Variants in CCDC57 observed in about 807,000 individuals in gnomAD.
CCDC57 encodes the protein coiled-coil domain-containing protein 57.
CCDC57 carries 118 observed loss-of-function variants against 118.9 expected under a neutral mutation model. The observed-to-expected ratio is 0.99, with a 90% CI of 0.86 to 1.16. CCDC57 has a LOEUF of 1.16. CCDC57 is among the 50% of genes most tolerant of loss of function. The pLI is 0.00. For missense variants in CCDC57, 1,300 were observed against 1,320.7 expected (o/e 0.98, Z 0.24); for synonymous variants, 527 against 532.9 (o/e 0.99, Z 0.15).
At chr17:82,195,126 C>T (rs1026726170) in intron 5 of CCDC57, 137 bp downstream of exon 4, 9 of 696,674 alleles carry the variant, frequency 1.3e-5, no homozygotes, top group East Asian at 5.5e-5. Context: ...CCCACCTGCT[C>T]GCTGGGCTTG....
In CCDC57 at chr17:82,211,616, T is replaced by C. The variant is rs139463130; in HGVS notation, c.-211+1169A>G. On this transcript the variant is annotated intron_variant, in intron 1 of 19. Coordinates refer to ENST00000665763, the Ensembl canonical transcript of CCDC57. ...AGACTGGAGTGCAATGGCGCGATCT[T>C]GGCTCTCCGCAACCTGCGCCTCTCG... Among the ~76,000 whole-genome samples, 116 of 151,988 alleles carry C rather than the reference T, an allele frequency of 7.6e-4. 1 individual carries two copies. The highest frequency in any genetic ancestry group is 1.2e-3 in the Non-Finnish European group (82 of 67,952).
intron 19 of CCDC57, among the ~76,000 whole-genome samples, chr17:82,116,339 A>T (rs1020370114): frequency 6.6e-6 from 1 of 151,738 alleles, no homozygotes; most frequent in Non-Finnish European, 1.5e-5. Flanking sequence ...CTCACCTCCG[A>T]CCCACCCACA....
intron 13 of CCDC57, among the ~76,000 whole-genome samples, chr17:82,164,397 A>C (rs1329016906): frequency 1.3e-5 from 2 of 152,108 alleles, no homozygotes; most frequent in African/African-American, 4.8e-5. Context: ...AACAAAAACA[A>C]ACAAACAAAA....
intron 14 of CCDC57, among the ~76,000 whole-genome samples, chr17:82,160,908 A>G (rs2043254272): frequency 6.6e-6 from 1 of 151,714 alleles, no homozygotes; most frequent in Non-Finnish European, 1.5e-5. Flanking sequence ...AGAGAAAGTG[A>G]AAAGACAAAC....
At chr17:82,133,658 T>C (rs906018149) in intron 17 of CCDC57, among the ~76,000 whole-genome samples, 4 of 151,718 alleles carry the variant, frequency 2.6e-5, no homozygotes, top group African/African-American at 9.7e-5. Context: ...GTCAGGAGTT[T>C]GAAACCAGCC....
intron 1 of CCDC57, among the ~76,000 whole-genome samples, chr17:82,208,243 T>C (rs1469955918): frequency 2.6e-5 from 4 of 151,762 alleles, no homozygotes; most frequent in African/African-American, 7.3e-5. Context: ...CATGTATAAA[T>C]ATATTTAATA....
At chr17:82,128,629 G>T in intron 17 of CCDC57, 32 bp from the exon 17 acceptor site, 2 of 1,489,698 alleles carry the variant, frequency 1.3e-6, no homozygotes, top group Non-Finnish European at 1.8e-6. Flanking sequence ...GAGGACTCTG[G>T]TATTCACATG....
chr17:82,194,684 C>T (rs192931689), intron 5 of CCDC57, among the ~76,000 whole-genome samples: 1 of 152,272 alleles, frequency 6.6e-6, no homozygotes, highest in African/African-American at 2.4e-5. Context: ...TGTCCAAGCC[C>T]AACAGACCAA....
rs1055331275 is a variant in CCDC57, at chr17:82,126,734, G to GCACGTA, written c.2899+952_2899+957dup. 8.1e-6 allele frequency: 8 copies of GCACGTA among 985,326 alleles called. No homozygotes were observed. In the African/African-American group the frequency reaches 1.4e-4, roughly 17 times the overall value. 61.0% of individuals were successfully genotyped at this position (985,326 alleles called of 1,614,324 possible). ...AGCCTTGACTACGCAAGCCCCTGGG[G>GCACGTA]CACGTACACGTGTGTTTTCACACAC... On this transcript the variant is annotated intron_variant, in intron 19 of 19. Transcript: ENST00000665763.
intron 3 of CCDC57, among the ~76,000 whole-genome samples, chr17:82,200,659 G>A (rs757298223): frequency 2.0e-5 from 3 of 152,012 alleles, no homozygotes; most frequent in Non-Finnish European, 4.4e-5. Context: ...CGGGCGTGGT[G>A]GTGGGCACCT....
chr17:82,160,518 G>GA (rs966340862), intron 14 of CCDC57: 1 of 137,080 alleles, frequency 7.3e-6, no homozygotes, highest in African/African-American at 2.8e-5. Context: ...TACCTGTAAT[G>GA]CCAGCACTTT....
exon 20 of CCDC57, chr17:82,101,853 A>G (rs1598591851): frequency 6.3e-7 from 1 of 1,576,348 alleles, no homozygotes; most frequent in African/African-American, 1.4e-5. Context: ...CGGCTGCTGG[A>G]GGAGCTGGGA....
At chr17:82,151,638 T>C in exon 16 of CCDC57, 2 of 1,550,414 alleles carry the variant, frequency 1.3e-6, no homozygotes, top group Non-Finnish European at 1.7e-6. Flanking sequence ...AGGCTGATGA[T>C]TTTTCTGGCT....
At chr17:82,188,283 G>C in exon 8 of CCDC57, 1 of 1,584,242 alleles carries the variant, frequency 6.3e-7, no homozygotes, top group Admixed American at 1.8e-5. Context: ...CTGCGGAGCT[G>C]CGCCTCGAGG....
intron 16 of CCDC57, among the ~76,000 whole-genome samples, chr17:82,146,842 T>G (rs917644302): frequency 6.6e-6 from 1 of 152,050 alleles, no homozygotes; most frequent in Admixed American, 6.5e-5. Flanking sequence ...CAAACGCACA[T>G]GCACAGTCTT....
intron 19 of CCDC57, among the ~76,000 whole-genome samples, chr17:82,102,762 G>A (rs1042404830): frequency 6.6e-6 from 1 of 152,038 alleles, no homozygotes; most frequent in Non-Finnish European, 1.5e-5. Context: ...GCGGGCACCT[G>A]TAATCCCAGC....
intron 8 of CCDC57, among the ~76,000 whole-genome samples, chr17:82,184,155 AC>A (rs1199133895): frequency 6.6e-6 from 1 of 150,650 alleles, no homozygotes; most frequent in Non-Finnish European, 1.5e-5. Flanking sequence ...GCATCCGTCC[AC>A]CCAACTACCT....
At chr17:82,181,519 C>T (rs1451937960) in intron 9 of CCDC57, among the ~76,000 whole-genome samples, 1 of 152,202 alleles carries the variant, frequency 6.6e-6, no homozygotes, top group Non-Finnish European at 1.5e-5. Flanking sequence ...TGCTCGCCAA[C>T]ATCATATTCA....
intron 9 of CCDC57, among the ~76,000 whole-genome samples, chr17:82,180,753 G>T (rs1384900762): frequency 6.6e-6 from 1 of 152,230 alleles, no homozygotes; most frequent in African/African-American, 2.4e-5. Context: ...GGGATTACAG[G>T]CGTGAGCCAC....
Sources: gnomAD v4.1 joint callset for allele counts (sites outside exome capture counted in the v4.1 genomes callset) on GRCh38, gnomAD v4.1.1 for gene constraint, MANE v1.5 for transcripts, NCBI Gene and HGNC (gene_info 2026-07-23, HGNC 2026-07-21) for gene names.